The following RNF216 variants were observed in gnomAD, a reference collection of about 807,000 sequenced individuals.
The protein encoded by RNF216 is E3 ubiquitin-protein ligase RNF216.
RNF216 carries 72 observed loss-of-function variants against 110.8 expected under a neutral mutation model. That is an observed-to-expected ratio of 0.65 (90% CI 0.54 to 0.79). The LOEUF (loss-of-function observed/expected upper bound fraction) is 0.79, where lower values mean the gene tolerates loss of function less well. RNF216 is among the 30% of genes least tolerant of loss of function. The pLI is 0.00. For missense variants in RNF216, 1,342 were observed against 1,141.2 expected (o/e 1.18, Z -2.54); for synonymous variants, 495 against 407.5 (o/e 1.21, Z -2.59).
At chr7:5,764,194 A>G (rs1796080680) in intron 1 of RNF216, among the ~76,000 whole-genome samples, 2 of 150,994 alleles carry the variant, frequency 1.3e-5, no homozygotes, top group African/African-American at 4.9e-5. Flanking sequence ...ACTCTATCTC[A>G]AAAGAATAAA....
intron 15 of RNF216, among the ~76,000 whole-genome samples, chr7:5,636,766 C>T (rs1310310224): frequency 6.6e-6 from 1 of 152,178 alleles, no homozygotes; most frequent in Non-Finnish European, 1.5e-5. Flanking sequence ...TTTGTATTTG[C>T]CTGACCTTCC....
chr7:5,765,285 G>A (rs1413143594), intron 1 of RNF216, among the ~76,000 whole-genome samples: 1 of 149,798 alleles, frequency 6.7e-6, no homozygotes, highest in African/African-American at 2.5e-5. Flanking sequence ...ACACAGTGAG[G>A]ACTATCTATA....
intron 3 of RNF216, among the ~76,000 whole-genome samples, chr7:5,745,037 A>C (rs932482385): frequency 6.6e-6 from 1 of 152,184 alleles, no homozygotes; most frequent in East Asian, 1.9e-4. Flanking sequence ...GCTTATAAAA[A>C]AATAAACATG....
At chr7:5,672,909 G>A (rs1038006142) in intron 13 of RNF216, among the ~76,000 whole-genome samples, 1 of 152,186 alleles carries the variant, frequency 6.6e-6, no homozygotes, top group Non-Finnish European at 1.5e-5. Flanking sequence ...TCTATCGTTT[G>A]ACCAAGGGGG....
Position 5,641,178 on chromosome 7 carries a change from T to C in RNF216, c.2358A>G (p.Arg786=). The part of the protein sequence containing the change: ...SPGAPCQECS[R]CSLWTDPTED... ...CAGTGGGATCGGTCCAGAGAGAGCA[T>C]CTTGAACACTCCTGGCAAGGGGCTC... The change falls in exon 15 of 17, where the codon AGA becomes AGG. Residue 786 remains arginine (R), a synonymous_variant. Transcript: ENST00000389902. 6.2e-7 allele frequency: 1 copy of C among 1,614,070 alleles called. No individual in the cohort carries two copies. Among genetic ancestry groups the C allele is most frequent in the African/African-American group, 1.3e-5 (1 of 75,040 alleles).
intron 13 of RNF216, among the ~76,000 whole-genome samples, chr7:5,711,422 T>C (rs1212560248): frequency 6.6e-6 from 1 of 152,132 alleles, no homozygotes; most frequent in Non-Finnish European, 1.5e-5. Flanking sequence ...GCAGGGGCTA[T>C]TTGAGCACAG....
At chr7:5,708,098 G>A (rs1792417243) in intron 13 of RNF216, among the ~76,000 whole-genome samples, 1 of 152,138 alleles carries the variant, frequency 6.6e-6, no homozygotes, top group Non-Finnish European at 1.5e-5. Flanking sequence ...CCTTGTGGCT[G>A]GAAAAGATAC....
In RNF216 at chr7:5,652,523, G is replaced by T; in HGVS notation, c.2062-13C>A. ...TCCTACAGGTTTCCTGGGGATAAAG[G>T]ACAGACACAAAGACAACTCCTGGTG... is the stretch of plus-strand genomic sequence containing the variant. On this transcript the variant is annotated splice_polypyrimidine_tract_variant and intron_variant, in intron 13 of 16. Transcript: ENST00000389902. 1.9e-6 allele frequency: 3 copies of T among 1,585,322 alleles called. No individual in the cohort carries two copies. Among genetic ancestry groups the T allele is most frequent in the Non-Finnish European group, 2.6e-6 (3 of 1,153,854 alleles).
rs1470920320 is a variant in RNF216, at chr7:5,715,044, A to T, written c.1833+9T>A. 4 of 1,608,088 alleles carry T rather than the reference A, an allele frequency of 2.5e-6. No individual in the cohort carries two copies. The South Asian group carries it at 4.4e-5, about 18-fold the overall frequency. Reference sequence around the variant, plus strand: ...CCTATATACATGGGACATATTACACAGTTCTTACCTTTCCAGATCCAAAGA... The same window carrying T: ...CCTATATACATGGGACATATTACACTGTTCTTACCTTTCCAGATCCAAAGA... On this transcript the variant is annotated intron_variant, in intron 11 of 16. Coordinates refer to ENST00000389902, the MANE Select transcript of RNF216 (RefSeq NM_207111.4).
chr7:5,664,653 A>G (rs932478827), intron 13 of RNF216, among the ~76,000 whole-genome samples: 2 of 151,810 alleles, frequency 1.3e-5, no homozygotes, highest in Non-Finnish European at 2.9e-5. Flanking sequence ...TCTCCCCAAC[A>G]CCCCCAGGGG....
At chr7:5,674,343 C>A (rs184365649) in intron 13 of RNF216, among the ~76,000 whole-genome samples, 167 of 151,892 alleles carry the variant, frequency 1.1e-3, no homozygotes, top group African/African-American at 3.9e-3. Context: ...ATTTTTAGTA[C>A]AGATGGGATT....
intron 5 of RNF216, 148 bp from the exon 6 acceptor site, chr7:5,730,965 C>A (rs1794053542): frequency 8.0e-7 from 1 of 1,249,454 alleles, no homozygotes; most frequent in Non-Finnish European, 1.1e-6. Flanking sequence ...CCCAGAAAAA[C>A]TAAACCAATA....
intron 3 of RNF216, among the ~76,000 whole-genome samples, chr7:5,747,837 G>C (rs994702589): frequency 6.6e-6 from 1 of 151,274 alleles, no homozygotes; most frequent in Non-Finnish European, 1.5e-5. Flanking sequence ...GAAGTATAGT[G>C]GCACAATCAT....
intron 16 of RNF216, among the ~76,000 whole-genome samples, chr7:5,623,639 G>A (rs1050237207): frequency 2.0e-5 from 3 of 151,798 alleles, no homozygotes; most frequent in African/African-American, 7.3e-5. Flanking sequence ...TTGCTATTTT[G>A]CCCAGGCTAG....
chr7:5,691,275 A>G (rs934398324), intron 13 of RNF216, among the ~76,000 whole-genome samples: 1 of 152,132 alleles, frequency 6.6e-6, no homozygotes, highest in Non-Finnish European at 1.5e-5. Flanking sequence ...GCAGCATTTG[A>G]CTGCTAGGAC....
At chr7:5,747,625 C>T (rs1294032283) in intron 3 of RNF216, among the ~76,000 whole-genome samples, 1 of 151,804 alleles carries the variant, frequency 6.6e-6, no homozygotes, top group Non-Finnish European at 1.5e-5. Flanking sequence ...GTGGCACACA[C>T]CTGTAATCCT....
At chr7:5,625,623 G>C (rs1201537927) in intron 15 of RNF216, among the ~76,000 whole-genome samples, 1 of 152,214 alleles carries the variant, frequency 6.6e-6, no homozygotes, top group Non-Finnish European at 1.5e-5. Context: ...AATTGTTTGT[G>C]AACCGCAAGG....
chr7:5,661,781 C>A (rs979562683), intron 13 of RNF216, among the ~76,000 whole-genome samples: 4 of 152,102 alleles, frequency 2.6e-5, no homozygotes, highest in Middle Eastern at 6.8e-3. Context: ...CCAGCCTGGG[C>A]GAGACAATGA....
chr7:5,687,368 T>C (rs1421805147), intron 13 of RNF216, among the ~76,000 whole-genome samples: 2 of 120,346 alleles, frequency 1.7e-5, no homozygotes, highest in African/African-American at 6.9e-5. Context: ...TGCTCCATCC[T>C]GGGCAACAAG....
Sources: gnomAD v4.1 joint callset for allele counts (sites outside exome capture counted in the v4.1 genomes callset) on GRCh38, gnomAD v4.1.1 for gene constraint, MANE v1.5 for transcripts, NCBI Gene and HGNC (gene_info 2026-07-23, HGNC 2026-07-21) for gene names.